ZCCHC4: variants seen among roughly 807,000 people sequenced by gnomAD.
The protein encoded by ZCCHC4 is rRNA N(6)-adenosine-methyltransferase ZCCHC4.
ZCCHC4 carries 54 observed loss-of-function variants against 67.7 expected under a neutral mutation model. That is an observed-to-expected ratio of 0.80 (90% CI 0.64 to 1.00). The LOEUF (loss-of-function observed/expected upper bound fraction) is 1.00. Among genes scored for constraint, ZCCHC4 ranks in the 50% least tolerant of loss-of-function variants. The probability of loss-of-function intolerance (pLI) is 0.00; values close to 1 mark genes in which losing one functional copy is unlikely to be tolerated. For synonymous variants in ZCCHC4, 198 were observed against 213.5 expected, an observed-to-expected ratio of 0.93 and a Z score of 0.63; for missense variants, 609 against 617.0, an observed-to-expected ratio of 0.99 and a Z score of 0.14.
At chr4:25,344,023 A>G (rs16877048) in intron 5 of ZCCHC4, among the ~76,000 whole-genome samples, 35,213 of 152,102 alleles carry the variant, frequency 0.23, 5,235 homozygotes, top group African/African-American at 0.42. Flanking sequence ...TTATATGGAA[A>G]ACTGAGAAAT....
chr4:25,346,652 A>G (rs754913635), intron 6 of ZCCHC4, among the ~76,000 whole-genome samples: 2 of 152,208 alleles, frequency 1.3e-5, no homozygotes, highest in Non-Finnish European at 2.9e-5. Flanking sequence ...CTTCCATTTG[A>G]ATCAATTTAG....
chr4:25,339,027 G>C (rs1191139242), intron 5 of ZCCHC4, among the ~76,000 whole-genome samples: 2 of 152,086 alleles, frequency 1.3e-5, no homozygotes, highest in Non-Finnish European at 2.9e-5. Flanking sequence ...TAGCAGGTTT[G>C]GTTTCTCCTG....
chr4:25,317,713 AAAAAAAAAAAAAAGAAAG>A (rs1337550462), intron 3 of ZCCHC4, among the ~76,000 whole-genome samples: 1 of 147,558 alleles, frequency 6.8e-6, no homozygotes, highest in Non-Finnish European at 1.5e-5. Context: ...ACAAAAAAAA[AAAAAAAAAAAAAAGAAAG>A]AAAAGAAAAT....
rs1230798308 is a variant in ZCCHC4, at chr4:25,359,800, CTA to C, written c.1012-2057_1012-2056del. ...CCACCCTGGCACTCCAGCCTAAAGA[CTA>C]TGTGCTGCAGCCAGGTGGGGTTATA... On this transcript the variant is annotated intron_variant, in intron 8 of 12. Transcript: ENST00000302874. This position sits in a 1 kb window ranked among gnomAD's most constrained non-coding sequence, Gnocchi z 4.9. Among the ~76,000 whole-genome samples, 14 of 152,334 alleles carry C rather than the reference CTA, an allele frequency of 9.2e-5. No homozygotes were observed. Among genetic ancestry groups the C allele is most frequent in the Non-Finnish European group, 1.9e-4 (13 of 68,022 alleles).
chr4:25,365,251 T>A (rs930371987), intron 12 of ZCCHC4, 85 bp downstream of exon 12: 42 of 1,556,728 alleles, frequency 2.7e-5, no homozygotes, highest in Non-Finnish European at 2.2e-5. Flanking sequence ...ATTCAGAGGA[T>A]CTTGAAGTGC....
intron 3 of ZCCHC4, among the ~76,000 whole-genome samples, chr4:25,328,323 T>C (rs1431380865): frequency 2.6e-5 from 4 of 152,030 alleles, no homozygotes; most frequent in African/African-American, 9.7e-5. Context: ...CACTGCCACC[T>C]CTGTCTCCCA....
intron 3 of ZCCHC4, among the ~76,000 whole-genome samples, chr4:25,323,102 A>G (rs1422161157): frequency 2.0e-5 from 3 of 152,192 alleles, no homozygotes; most frequent in African/African-American, 7.2e-5. Context: ...GCAATAAACC[A>G]TCCATTACAA....
chr4:25,319,932 T>C (rs955853217), intron 3 of ZCCHC4, among the ~76,000 whole-genome samples: 1 of 152,286 alleles, frequency 6.6e-6, no homozygotes, highest in Middle Eastern at 3.4e-3. Context: ...AAATTTTTCA[T>C]GTTTTTGTGC....
At chr4:25,325,742 C>G (rs1040948111) in intron 3 of ZCCHC4, among the ~76,000 whole-genome samples, 1 of 151,966 alleles carries the variant, frequency 6.6e-6, no homozygotes, top group African/African-American at 2.4e-5. Flanking sequence ...TTTGCCAAAC[C>G]CAGTCATTAT....
intron 5 of ZCCHC4, among the ~76,000 whole-genome samples, chr4:25,342,097 C>T (rs574900311): frequency 1.3e-5 from 2 of 152,022 alleles, no homozygotes; most frequent in South Asian, 2.1e-4. Context: ...TTTTTGATAA[C>T]GTAGTCTGTT....
chr4:25,319,120 A>C (rs1318122940), intron 3 of ZCCHC4, among the ~76,000 whole-genome samples: 1 of 152,240 alleles, frequency 6.6e-6, no homozygotes, highest in African/African-American at 2.4e-5. Context: ...GCGGTGGCTC[A>C]CGCCTGTAAT....
intron 8 of ZCCHC4, 83 bp downstream of exon 8, chr4:25,351,772 G>A (rs1306824668): frequency 1.6e-6 from 2 of 1,264,538 alleles, no homozygotes; most frequent in East Asian, 2.4e-5. Context: ...ATTGATTTTA[G>A]TAAAATACAA....
intron 5 of ZCCHC4, among the ~76,000 whole-genome samples, chr4:25,342,436 G>A (rs1025955900): frequency 6.6e-6 from 1 of 152,130 alleles, no homozygotes; most frequent in Admixed American, 6.5e-5. Flanking sequence ...TAGGAGGTAC[G>A]AAGTTCACAT....
intron 6 of ZCCHC4, among the ~76,000 whole-genome samples, chr4:25,345,905 C>G (rs1043517883): frequency 6.6e-6 from 1 of 152,204 alleles, no homozygotes; most frequent in Admixed American, 6.5e-5. Flanking sequence ...CCTCCCCTCT[C>G]CCTGTTTCCC....
At chr4:25,347,829 G>A (rs1322230714) in intron 6 of ZCCHC4, among the ~76,000 whole-genome samples, 1 of 152,190 alleles carries the variant, frequency 6.6e-6, no homozygotes, top group Non-Finnish European at 1.5e-5. Flanking sequence ...GTTAAAGTAT[G>A]TAGAGAGGAT....
chr4:25,349,071 T>G (rs1720160769), intron 6 of ZCCHC4, among the ~76,000 whole-genome samples: 1 of 152,212 alleles, frequency 6.6e-6, no homozygotes, highest in African/African-American at 2.4e-5. Flanking sequence ...CTCATGGCAT[T>G]GGACAAACCA....
chr4:25,349,458 T>A (rs1560411828), intron 6 of ZCCHC4, 34 bp from the exon 7 acceptor site: 1 of 1,607,352 alleles, frequency 6.2e-7, no homozygotes, highest in Admixed American at 1.7e-5. Context: ...CTCTCTCTAG[T>A]CCTAATTTAG....
At position 25,365,684 on chromosome 4, in the gene ZCCHC4, T is replaced by A. The variant is rs962028221; in HGVS notation, c.1406+518T>A. On this transcript the variant is annotated intron_variant, in intron 12 of 12. Transcript: ENST00000302874. ...TTAAATATTTGAAATTTTTATTACT[T>A]TTTTTCCTGTGATTATTTTCACATC... The A allele has an allele frequency of 5.1e-6, 5 of 984,962 alleles. No individual in the cohort carries two copies. In the Admixed American group the frequency reaches 3.1e-4, roughly 60 times the overall value. 61.0% of individuals were successfully genotyped at this position (984,962 alleles called of 1,614,324 possible). A position where few individuals can be genotyped will look rare whatever the true frequency, so the allele number is the denominator to read the frequency against.
At chr4:25,333,762 C>A in intron 4 of ZCCHC4, 146 bp from the exon 5 acceptor site, 2 of 661,928 alleles carry the variant, frequency 3.0e-6, no homozygotes, top group South Asian at 3.2e-5. Context: ...AAAATTGAAA[C>A]CTTGATTATA....
Sources: gnomAD v4.1 joint callset for allele counts (sites outside exome capture counted in the v4.1 genomes callset) on GRCh38, gnomAD v4.1.1 for gene constraint, Gnocchi (gnomAD v3.1) non-coding constraint, MANE v1.5 for transcripts, NCBI Gene and HGNC (gene_info 2026-07-23, HGNC 2026-07-21) for gene names.